The following GALNT17 variants were observed in gnomAD, a reference collection of about 807,000 sequenced individuals.
GALNT17 encodes polypeptide N-acetylgalactosaminyltransferase 17.
GALNT17 carries 29 observed loss-of-function variants against 63.7 expected under a neutral mutation model. That is an observed-to-expected ratio of 0.46 (90% CI 0.34 to 0.62). The LOEUF is 0.62. Ranked by LOEUF, GALNT17 falls within the 20% of genes least tolerant of loss-of-function variation. The probability of loss-of-function intolerance (pLI) is 0.01; values close to 1 mark genes in which losing one functional copy is unlikely to be tolerated. For missense variants in GALNT17, 603 were observed against 799.6 expected, an observed-to-expected ratio of 0.75 and a Z score of 2.97; for synonymous variants, 305 against 318.3, an observed-to-expected ratio of 0.96 and a Z score of 0.45.
chr7:71,491,966 G>A (rs1263938895), intron 5 of GALNT17, among the ~76,000 whole-genome samples: 4 of 152,028 alleles, frequency 2.6e-5, no homozygotes. Flanking sequence ...GACCAGCCTG[G>A]GTAACATGGC....
intron 1 of GALNT17, among the ~76,000 whole-genome samples, chr7:71,160,004 C>G (rs138484394): frequency 6.6e-6 from 1 of 151,980 alleles, no homozygotes; most frequent in African/African-American, 2.4e-5. Context: ...AGGCTGATCT[C>G]GAACTCCTGA....
intron 1 of GALNT17, among the ~76,000 whole-genome samples, chr7:71,139,015 C>T (rs1787837922): frequency 6.6e-6 from 1 of 152,160 alleles, no homozygotes; most frequent in South Asian, 2.1e-4. Context: ...GACCTAGAGA[C>T]AGACGGATTT....
intron 2 of GALNT17, among the ~76,000 whole-genome samples, chr7:71,360,613 A>G (rs1792380637): frequency 1.3e-5 from 2 of 152,180 alleles, no homozygotes; most frequent in South Asian, 4.1e-4. Context: ...AGAGTGTGTA[A>G]ATTACAGATA....
At chr7:71,615,761 A>G (rs1790192692) in intron 6 of GALNT17, among the ~76,000 whole-genome samples, 1 of 152,122 alleles carries the variant, frequency 6.6e-6, no homozygotes, top group South Asian at 2.1e-4. Context: ...TACAGGCGTG[A>G]GCCACCGCGC....
At chr7:71,598,673 A>G (rs1234410054) in intron 6 of GALNT17, among the ~76,000 whole-genome samples, 1 of 152,184 alleles carries the variant, frequency 6.6e-6, no homozygotes, top group Non-Finnish European at 1.5e-5. Flanking sequence ...GAATCTATGG[A>G]AATGCCTAGA....
At chr7:71,361,333 C>T (rs1303125386) in intron 2 of GALNT17, among the ~76,000 whole-genome samples, 1 of 152,196 alleles carries the variant, frequency 6.6e-6, no homozygotes, top group East Asian at 1.9e-4. Flanking sequence ...GATATGGGTG[C>T]CTACAGACTT....
intron 5 of GALNT17, among the ~76,000 whole-genome samples, chr7:71,496,392 T>C (rs919281978): frequency 1.3e-5 from 2 of 151,990 alleles, no homozygotes; most frequent in Non-Finnish European, 2.9e-5. Context: ...GAGGGGAGCA[T>C]CTTTCTAGAG....
At chr7:71,467,565 T>C (rs4535614) in intron 5 of GALNT17, among the ~76,000 whole-genome samples, 103,292 of 151,452 alleles carry the variant, frequency 0.68, 37,522 homozygotes, top group Non-Finnish European at 0.82. Context: ...TCACTTTCTG[T>C]GACATGTGTT....
chr7:71,253,481 G>A (rs1790236983), intron 1 of GALNT17, among the ~76,000 whole-genome samples: 1 of 151,792 alleles, frequency 6.6e-6, no homozygotes, highest in South Asian at 2.1e-4. Flanking sequence ...TGAGATTTGG[G>A]TGGGGACACA....
chr7:71,429,009 C>T (rs1206151580), intron 5 of GALNT17, among the ~76,000 whole-genome samples: 1 of 152,202 alleles, frequency 6.6e-6, no homozygotes, highest in Non-Finnish European at 1.5e-5. Context: ...TTCTGGGAAA[C>T]CCTCCTGACA....
intron 9 of GALNT17, among the ~76,000 whole-genome samples, chr7:71,694,235 T>G (rs1584143271): frequency 6.6e-6 from 1 of 152,122 alleles, no homozygotes; most frequent in South Asian, 2.1e-4. Context: ...TACCTCCCAC[T>G]TGGTCCCTCC....
chr7:71,548,651 G>A (rs981121214), intron 5 of GALNT17, among the ~76,000 whole-genome samples: 3 of 152,154 alleles, frequency 2.0e-5, no homozygotes, highest in African/African-American at 7.2e-5. Flanking sequence ...CTTCTGCCAC[G>A]ATCGTGAGGC....
chr7:71,597,119 G>A (rs1411800471), intron 6 of GALNT17, among the ~76,000 whole-genome samples: 1 of 151,906 alleles, frequency 6.6e-6, no homozygotes, highest in Non-Finnish European at 1.5e-5. Flanking sequence ...CTCACTGCAA[G>A]CTCCACCTCC....
intron 5 of GALNT17, among the ~76,000 whole-genome samples, chr7:71,518,837 G>C (rs1788483486): frequency 6.6e-6 from 1 of 152,070 alleles, no homozygotes; most frequent in Admixed American, 6.5e-5. Flanking sequence ...CCAGTCTCTT[G>C]CTTGGATTAG....
At chr7:71,662,430 G>A (rs1020233640) in intron 6 of GALNT17, among the ~76,000 whole-genome samples, 1 of 151,966 alleles carries the variant, frequency 6.6e-6, no homozygotes, top group Non-Finnish European at 1.5e-5. Context: ...CATTTAAAAT[G>A]TGCCACTCAA....
chr7:71,141,035 C>A (rs575525055), intron 1 of GALNT17, among the ~76,000 whole-genome samples: 20 of 147,942 alleles, frequency 1.4e-4, no homozygotes, highest in Non-Finnish European at 1.0e-4. Flanking sequence ...TAAAAAAAAA[C>A]CCCCAAACCA....
chr7:71,646,177 C>A, intron 6 of GALNT17, among the ~76,000 whole-genome samples: 1 of 152,172 alleles, frequency 6.6e-6, no homozygotes, highest in East Asian at 1.9e-4. Flanking sequence ...GTTTTAACAC[C>A]CATTTCAGAA....
chr7:71,262,636 C>T (rs1299849313), intron 1 of GALNT17, among the ~76,000 whole-genome samples: 1 of 151,176 alleles, frequency 6.6e-6, no homozygotes, highest in South Asian at 2.1e-4. Context: ...TTAGAGTGGG[C>T]CTTAATCCAA....
intron 5 of GALNT17, among the ~76,000 whole-genome samples, chr7:71,425,387 T>C (rs1583941431): frequency 1.3e-5 from 2 of 152,214 alleles, no homozygotes; most frequent in East Asian, 3.9e-4. Context: ...CACGCCCAGC[T>C]AATTTTTTGT....
Sources: gnomAD v4.1 joint callset for allele counts (sites outside exome capture counted in the v4.1 genomes callset) on GRCh38, gnomAD v4.1.1 for gene constraint, MANE v1.5 for transcripts, NCBI Gene and HGNC (gene_info 2026-07-23, HGNC 2026-07-21) for gene names.